The following ZCCHC7 variants were observed in gnomAD, a reference collection of about 807,000 sequenced individuals.
The protein encoded by ZCCHC7 is zinc finger CCHC domain-containing protein 7.
Under a neutral mutation model 52.0 loss-of-function variants are expected in ZCCHC7, and 35 were observed. That is an observed-to-expected ratio of 0.67 (90% CI 0.51 to 0.89). The LOEUF (loss-of-function observed/expected upper bound fraction) is 0.89, where lower values mean the gene tolerates loss of function less well. ZCCHC7 is among the 40% of genes least tolerant of loss of function. ZCCHC7 has a pLI of 0.00. For missense variants in ZCCHC7, 574 were observed against 649.1 expected (o/e 0.88, Z 1.26); for synonymous variants, 217 against 221.5 (o/e 0.98, Z 0.18).
intron 2 of ZCCHC7, among the ~76,000 whole-genome samples, chr9:37,181,168 G>A (rs1459808382): frequency 6.6e-6 from 1 of 152,008 alleles, no homozygotes; most frequent in East Asian, 1.9e-4. Flanking sequence ...TTGTTTTGTA[G>A]CTTTCTTTGT....
intron 7 of ZCCHC7, among the ~76,000 whole-genome samples, chr9:37,353,169 G>A (rs1821496873): frequency 6.6e-6 from 1 of 152,122 alleles, no homozygotes; most frequent in Admixed American, 6.5e-5. Context: ...ACTTCATAAA[G>A]TTAAATCTGA....
rs1049010940 is a variant in ZCCHC7, at chr9:37,148,445, A to G, written c.610+21503A>G. On this transcript the variant is annotated intron_variant, in intron 2 of 8. Transcript: ENST00000336755. ...TGTTTAGAGGAACAACAGACTTTTA[A>G]AATTCTATTTTGAATTAGGTCGGTT... 1.3e-5 allele frequency among the ~76,000 whole-genome samples: 2 copies of G among 152,114 alleles called. 1 individual carries two copies. Among genetic ancestry groups the G allele is most frequent in the South Asian group, 4.1e-4 (2 of 4,832 alleles).
At chr9:37,254,975 A>G (rs1291428664) in intron 2 of ZCCHC7, among the ~76,000 whole-genome samples, 2 of 150,820 alleles carry the variant, frequency 1.3e-5, no homozygotes, top group East Asian at 3.9e-4. Flanking sequence ...CTGATGCCTT[A>G]TAACTAGTAT....
intron 6 of ZCCHC7, among the ~76,000 whole-genome samples, chr9:37,336,496 A>G (rs1028614853): frequency 1.3e-5 from 2 of 152,156 alleles, no homozygotes; most frequent in African/African-American, 2.4e-5. Flanking sequence ...TTGGGATGGC[A>G]GGTGGTGGGA....
chr9:37,159,941 TAAA>T (rs1388586058), intron 2 of ZCCHC7, among the ~76,000 whole-genome samples: 1 of 152,202 alleles, frequency 6.6e-6, no homozygotes, highest in East Asian at 1.9e-4. Flanking sequence ...CTTAACACAA[TAAA>T]TTAAACCATC....
At chr9:37,333,785 T>TA (rs1290126711) in intron 6 of ZCCHC7, 1 of 151,856 alleles carries the variant, frequency 6.6e-6, no homozygotes. Flanking sequence ...TAACACACTT[T>TA]AAAAATCTTT....
intron 2 of ZCCHC7, among the ~76,000 whole-genome samples, chr9:37,288,974 G>A (rs1024377407): frequency 1.3e-5 from 2 of 152,014 alleles, no homozygotes; most frequent in African/African-American, 4.8e-5. Flanking sequence ...AGTATCCAAT[G>A]GCATACTCCA....
intron 2 of ZCCHC7, among the ~76,000 whole-genome samples, chr9:37,238,201 A>G (rs950836421): frequency 3.9e-5 from 6 of 152,208 alleles, no homozygotes; most frequent in African/African-American, 1.4e-4. Flanking sequence ...CTGATTCTCT[A>G]TCCTGGTTAA....
chr9:37,220,815 G>A (rs2133259540), intron 2 of ZCCHC7, among the ~76,000 whole-genome samples: 1 of 152,238 alleles, frequency 6.6e-6, no homozygotes, highest in Non-Finnish European at 1.5e-5. Flanking sequence ...GAACAATGAG[G>A]AGAGAAGTCT....
intron 2 of ZCCHC7, among the ~76,000 whole-genome samples, chr9:37,150,893 G>A (rs1399648001): frequency 2.0e-5 from 3 of 151,810 alleles, no homozygotes; most frequent in African/African-American, 7.3e-5. Flanking sequence ...TTTCTGAGCA[G>A]GTGTTTTCTG....
chr9:37,138,011 C>T (rs557011012), intron 2 of ZCCHC7, among the ~76,000 whole-genome samples: 1 of 152,254 alleles, frequency 6.6e-6, no homozygotes, highest in African/African-American at 2.4e-5. Context: ...GAATTCCAGT[C>T]ACCAGGAGCA....
intron 2 of ZCCHC7, among the ~76,000 whole-genome samples, chr9:37,272,079 ATGAG>A (rs1424901071): frequency 3.3e-5 from 5 of 152,190 alleles, no homozygotes; most frequent in African/African-American, 9.7e-5. Context: ...AAAATAGTGA[ATGAG>A]TAAGAACACA....
chr9:37,289,128 C>T (rs1313409130), intron 2 of ZCCHC7, among the ~76,000 whole-genome samples: 2 of 150,978 alleles, frequency 1.3e-5, no homozygotes, highest in Non-Finnish European at 3.0e-5. Flanking sequence ...TGGTAGTCAT[C>T]TTTTACTGTG....
chr9:37,252,741 C>T (rs1370685622), intron 2 of ZCCHC7, among the ~76,000 whole-genome samples: 2 of 152,166 alleles, frequency 1.3e-5, no homozygotes, highest in Admixed American at 6.5e-5. Flanking sequence ...TGACTTAATA[C>T]TGCTTTCTCA....
At chr9:37,172,567 T>C (rs924052806) in intron 2 of ZCCHC7, among the ~76,000 whole-genome samples, 1 of 152,354 alleles carries the variant, frequency 6.6e-6, no homozygotes, top group Admixed American at 6.5e-5. Context: ...ATAAAGTACT[T>C]CCAGCATTGG....
chr9:37,319,533 T>C (rs1024248570), intron 5 of ZCCHC7, among the ~76,000 whole-genome samples: 2 of 152,166 alleles, frequency 1.3e-5, no homozygotes, highest in African/African-American at 4.8e-5. Context: ...GCTCAAGTGA[T>C]CCTACCACCT....
chr9:37,348,023 A>G (rs1821101629), intron 6 of ZCCHC7, among the ~76,000 whole-genome samples: 1 of 152,110 alleles, frequency 6.6e-6, no homozygotes. Flanking sequence ...TTCCTTCCTC[A>G]GCCCACAGCC....
At chr9:37,203,992 T>A (rs2133177378) in intron 2 of ZCCHC7, among the ~76,000 whole-genome samples, 1 of 152,334 alleles carries the variant, frequency 6.6e-6, no homozygotes, top group South Asian at 2.1e-4. Context: ...TTTTTAATAA[T>A]CGCCATTCTG....
chr9:37,303,542 A>G (rs1314020428), intron 3 of ZCCHC7, among the ~76,000 whole-genome samples: 3 of 151,806 alleles, frequency 2.0e-5, no homozygotes, highest in Admixed American at 6.6e-5. Flanking sequence ...AAGTAGAGAA[A>G]GATTAAAAAA....
Sources: allele counts gnomAD v4.1 joint callset (sites outside exome capture counted in the v4.1 genomes callset), GRCh38; gene constraint gnomAD v4.1.1; transcripts MANE v1.5; gene names NCBI Gene and HGNC (gene_info 2026-07-23, HGNC 2026-07-21).